The following PLEKHM2 variants were observed in gnomAD, a reference collection of about 807,000 sequenced individuals.
PLEKHM2 encodes the protein pleckstrin homology and RUN domain containing M2, also known as pleckstrin homology domain-containing family M member 2.
Under a neutral mutation model 116.3 loss-of-function variants are expected in PLEKHM2, and 77 were observed. The ratio of observed to expected loss-of-function variants is 0.66; its 90% CI spans 0.55 to 0.80. PLEKHM2 has a LOEUF of 0.80. PLEKHM2 is among the 30% of genes least tolerant of loss of function. PLEKHM2 has a pLI of 0.00. For synonymous variants in PLEKHM2, 562 were observed against 571.0 expected, an observed-to-expected ratio of 0.98 and a Z score of 0.22; for missense variants, 1,183 against 1,354.9, an observed-to-expected ratio of 0.87 and a Z score of 1.99.
chr1:15,725,622 C>A, intron 8 of PLEKHM2, 77 bp downstream of exon 8: 1 of 1,071,876 alleles, frequency 9.3e-7, no homozygotes, highest in South Asian at 1.4e-5. Context: ...GCTGTTCATC[C>A]AGGGCAGACC....
chr1:15,683,035 C>T (rs1460936369), upstream of PLEKHM2: 1 of 151,912 alleles, frequency 6.6e-6, no homozygotes, highest in Non-Finnish European at 1.5e-5. Context: ...AGTTGAGGCC[C>T]TTGGGATACG....
chr1:15,717,530 G>T (rs1447356983), intron 3 of PLEKHM2, among the ~76,000 whole-genome samples: 2 of 152,220 alleles, frequency 1.3e-5, no homozygotes, highest in East Asian at 3.8e-4. Flanking sequence ...GAAAGAGGGC[G>T]AGCTGCCAGC....
At position 15,728,738 on chromosome 1, in the gene PLEKHM2, G is replaced by C; in HGVS notation, c.1986+5G>C. 6.2e-7 allele frequency: 1 copy of C among 1,606,732 alleles called. No individual in the cohort carries two copies. The highest frequency in any genetic ancestry group is 8.5e-7 in the Non-Finnish European group (1 of 1,176,490). The stretch of plus-strand genomic sequence containing the variant: ...AATGAACTTGACTATGTGTCGGTGA[G>C]TCCAGGCCCCGCAGTTGTGCGCCTG... On this transcript the variant is annotated splice_donor_5th_base_variant and intron_variant, in intron 12 of 19. Transcript: ENST00000375799. The surrounding 1 kb of genome is among the most constrained non-coding windows in gnomAD (Gnocchi z 5.9).
At chr1:15,704,171 G>C (rs913898890) in intron 1 of PLEKHM2, among the ~76,000 whole-genome samples, 2 of 151,790 alleles carry the variant, frequency 1.3e-5, no homozygotes, top group Non-Finnish European at 2.9e-5. Flanking sequence ...TGGCCAGAGG[G>C]GTCCCATCCT....
rs773454945 is a variant in PLEKHM2, at chr1:15,730,580, C to A, written c.2257C>A (p.Pro753Thr). Residue 753 changes from proline to threonine, a missense_variant, in exon 15 of 20, where the codon CCC (proline) becomes ACC (threonine). Physicochemically the swap from Pro to Thr is conservative, Grantham distance 38. Coordinates refer to ENST00000375799, the MANE Select transcript of PLEKHM2 (RefSeq NM_015164.4). ...CTACGGCCTTGTGCACTGGGAGGAC[C>A]CCACAGACGAGTCCCTGGGCCCCAC... ...RFYGLVHWED[P>T]TDESLGPTPC... The A allele has an allele frequency of 9.3e-6, 15 of 1,604,842 alleles. No individual in the cohort carries two copies. Among genetic ancestry groups the A allele is most frequent in the Non-Finnish European group, 8.5e-7 (1 of 1,176,528 alleles).
Position 15,731,954 on chromosome 1 carries a change from TTC to T in PLEKHM2, c.2536_2537del (p.Ser846ArgfsTer50). 6.2e-7 allele frequency: 1 copy of T among 1,612,038 alleles called. No individual in the cohort carries two copies. The highest frequency in any genetic ancestry group is 8.5e-7 in the Non-Finnish European group (1 of 1,179,542). ...GATCGGCCCCACGCCTTCCAGGTCA[TTC>T]TCTCCGACCGGCCCTGCCTGGAGCT... On this transcript the variant is annotated frameshift_variant, in exon 17 of 20. Coordinates refer to ENST00000375799, the MANE Select transcript of PLEKHM2 (RefSeq NM_015164.4). LOFTEE classifies it high-confidence loss of function.
chr1:15,716,402 C>A, intron 2 of PLEKHM2, 59 bp downstream of exon 2: 1 of 1,028,714 alleles, frequency 9.7e-7, no homozygotes, highest in Non-Finnish European at 1.5e-6. Flanking sequence ...GAGTAGCCTC[C>A]ACAGAGAAAC....
At chr1:15,722,918 C>T (rs576191338) in intron 7 of PLEKHM2, 2 of 152,328 alleles carry the variant, frequency 1.3e-5, no homozygotes, top group South Asian at 4.1e-4. Context: ...CCTTCCTCTA[C>T]AGCCTTTCAG....
intron 1 of PLEKHM2, among the ~76,000 whole-genome samples, chr1:15,708,653 C>T (rs1641272512): frequency 6.6e-6 from 1 of 152,128 alleles, no homozygotes; most frequent in Admixed American, 6.6e-5. Flanking sequence ...AAACTCCTGG[C>T]CTCTAATGAT....
At chr1:15,724,413 T>G (rs1314926787) in intron 7 of PLEKHM2, among the ~76,000 whole-genome samples, 2 of 150,064 alleles carry the variant, frequency 1.3e-5, no homozygotes, top group African/African-American at 4.9e-5. Context: ...AACCCGGGAG[T>G]TGGAGGTTGT....
In PLEKHM2 at chr1:15,729,963, C is replaced by G; in HGVS notation, c.2208+34C>G. The G allele has an allele frequency of 6.3e-7, 1 of 1,578,768 alleles. No individual in the cohort carries two copies. Among genetic ancestry groups the G allele is most frequent in the Non-Finnish European group, 8.6e-7 (1 of 1,164,170 alleles). ...CTGGGGAGGAAGCTGAGTGCAGCCCCTGAGATGGCAGAGCAGCAGCCGCCT... is the reference window on the plus strand; with the variant it reads ...CTGGGGAGGAAGCTGAGTGCAGCCCGTGAGATGGCAGAGCAGCAGCCGCCT... On this transcript the variant is annotated intron_variant, in intron 14 of 19. Coordinates refer to ENST00000375799, the MANE Select transcript of PLEKHM2 (RefSeq NM_015164.4). This position sits in a 1 kb window ranked among gnomAD's most constrained non-coding sequence, Gnocchi z 4.7.
rs539041277 is a variant in PLEKHM2 at position 15,730,622 on chromosome 1, C to A, written c.2299C>A (p.Pro767Thr). 2 of 1,607,754 alleles carry A rather than the reference C, an allele frequency of 1.2e-6. No individual in the cohort carries two copies. The highest frequency in any genetic ancestry group is 2.7e-5 in the African/African-American group (2 of 74,876). ...GGGCCCCACGCCCTGCCACTGCTCA[C>A]CCCCCGAGGGCACCATCACCAAAGA... ...SLGPTPCHCS[P>T]PEGTITKEGM... Residue 767 changes from proline (P) to threonine (T), a missense_variant, in exon 15 of 20, where the codon CCC (proline) becomes ACC (threonine). Coordinates refer to ENST00000375799, the MANE Select transcript of PLEKHM2 (RefSeq NM_015164.4).
intron 1 of PLEKHM2, among the ~76,000 whole-genome samples, chr1:15,701,793 A>G (rs1204645313): frequency 6.6e-6 from 1 of 152,328 alleles, no homozygotes; most frequent in East Asian, 1.9e-4. Context: ...TCCCTCTCAA[A>G]AAAGAAAAGA....
At chr1:15,712,903 C>T (rs1286482247) in intron 1 of PLEKHM2, among the ~76,000 whole-genome samples, 3 of 152,106 alleles carry the variant, frequency 2.0e-5, no homozygotes, top group Admixed American at 6.6e-5. Context: ...TAGGGTCAAG[C>T]GATTCTCCTG....
Position 15,721,239 on chromosome 1 carries a change from T to C in PLEKHM2, c.653-90T>C, listed in dbSNP as rs2067992853. The C allele has an allele frequency of 2.7e-6, 2 of 734,002 alleles. No individual in the cohort carries two copies. Among genetic ancestry groups the C allele is most frequent in the Non-Finnish European group, 4.8e-6 (2 of 415,930 alleles). 45.5% of individuals were successfully genotyped at this position (734,002 alleles called of 1,614,324 possible). A position where few individuals can be genotyped will look rare whatever the true frequency, so the allele number is the denominator to read the frequency against. On this transcript the variant is annotated intron_variant, in intron 6 of 19. Transcript: ENST00000375799. This position sits in a 1 kb window ranked among gnomAD's most constrained non-coding sequence, Gnocchi z 5.1. ...GTTTTCCTCTCCTATTTTCTCCCCA[T>C]GTCTCCCACCCCATTTCCCCTCCCC...
intron 1 of PLEKHM2, among the ~76,000 whole-genome samples, chr1:15,703,306 C>G (rs552333467): frequency 2.6e-5 from 4 of 152,278 alleles, no homozygotes; most frequent in African/African-American, 9.6e-5. Context: ...AGTGGCCAGG[C>G]AGTTAAACAG....
chr1:15,727,510 G>A lies in PLEKHM2; in HGVS notation c.1438G>A (p.Gly480Ser), dbSNP rs376758113. ...TCCAAGCACTGTTACATCAGGTGGC[G>A]GCCACCATGACCCTGCAGGGCTTGG... ...ESPSTVTSGGGHHDPAGLGQP... is the reference protein window; with the variant it reads ...ESPSTVTSGGSHHDPAGLGQP... Residue 480 changes from glycine (G) to serine (S), a missense_variant, in exon 9 of 20, where the codon GGC becomes AGC. By Grantham distance (56) the Gly-to-Ser change is moderately conservative. Coordinates refer to ENST00000375799, the MANE Select transcript of PLEKHM2 (RefSeq NM_015164.4). The surrounding 1 kb of genome is among the most constrained non-coding windows in gnomAD (Gnocchi z 7.5). 150 of 1,582,048 alleles carry A rather than the reference G, an allele frequency of 9.5e-5. 1 individual carries two copies. Among genetic ancestry groups the A allele is most frequent in the Non-Finnish European group, 1.2e-4 (139 of 1,164,868 alleles).
intron 16 of PLEKHM2, 64 bp from the exon 17 acceptor site, chr1:15,731,825 G>A (rs1197308505): frequency 6.9e-7 from 1 of 1,445,308 alleles, no homozygotes; most frequent in African/African-American, 1.4e-5. Flanking sequence ...ACCAACCCTG[G>A]GGGCTGTCGC....
At chr1:15,692,113 G>A (rs36014889) in intron 1 of PLEKHM2, among the ~76,000 whole-genome samples, 31,306 of 151,254 alleles carry the variant, frequency 0.21, 3,502 homozygotes, top group African/African-American at 0.28. Flanking sequence ...ACCCTGTCTC[G>A]GCGGGGGAAA....
Sources: gnomAD v4.1 joint callset for allele counts (sites outside exome capture counted in the v4.1 genomes callset) on GRCh38, gnomAD v4.1.1 for gene constraint, Gnocchi (gnomAD v3.1) non-coding constraint, MANE v1.5 for transcripts, NCBI Gene and HGNC (gene_info 2026-07-23, HGNC 2026-07-21) for gene names.